The following C8A variants were observed in gnomAD, a reference collection of about 807,000 sequenced individuals.
C8A encodes complement C8 alpha chain.
C8A carries 67 observed loss-of-function variants against 65.3 expected under a neutral mutation model. The observed-to-expected ratio is 1.03, with a 90% confidence interval of 0.84 to 1.26. The LOEUF (loss-of-function observed/expected upper bound fraction) is 1.26. Among genes scored for constraint, C8A ranks in the 50% most tolerant of loss-of-function variants. The pLI, the probability that C8A is intolerant of heterozygous loss-of-function variation, is 0.00. For synonymous variants in C8A, 290 were observed against 259.4 expected (o/e 1.12, Z -1.13); for missense variants, 781 against 723.9 (o/e 1.08, Z -0.90).
chr1:56,879,757 C>T (rs1359846222), intron 4 of C8A, among the ~76,000 whole-genome samples: 6 of 152,086 alleles, frequency 3.9e-5, no homozygotes, highest in Admixed American at 3.9e-4. Context: ...ATCACTTCCA[C>T]TAATATGAAG....
At chr1:56,880,996 A>G (rs1298944378) in intron 4 of C8A, among the ~76,000 whole-genome samples, 1 of 152,118 alleles carries the variant, frequency 6.6e-6, no homozygotes, top group Non-Finnish European at 1.5e-5. Flanking sequence ...TTATTCAACA[A>G]ATATTTAGGG....
At chr1:56,891,098 CA>C (rs995720822) in intron 7 of C8A, among the ~76,000 whole-genome samples, 1 of 152,032 alleles carries the variant, frequency 6.6e-6, no homozygotes, top group Non-Finnish European at 1.5e-5. Context: ...AGAGTAACTT[CA>C]GGGGGTGAGG....
chr1:56,906,099 C>A (rs138985648), intron 7 of C8A, among the ~76,000 whole-genome samples: 1 of 151,920 alleles, frequency 6.6e-6, no homozygotes, highest in Non-Finnish European at 1.5e-5. Flanking sequence ...CTCTCTGGGG[C>A]GCAAAGAGGA....
chr1:56,908,009 G>T lies in C8A; in HGVS notation c.1276G>T (p.Gly426Cys), dbSNP rs1435217238. 6.2e-7 allele frequency: 1 copy of T among 1,614,152 alleles called. No homozygotes were observed. Among genetic ancestry groups the T allele is most frequent in the Admixed American group, 1.7e-5 (1 of 60,026 alleles). Residue 426 changes from glycine to cysteine, a missense_variant, in exon 9 of 11, where the codon GGC (glycine) becomes TGC (cysteine). Transcript: ENST00000361249. ...VEDIISRVRG[G>C]SSGWSGGLAQ... is the part of the protein sequence containing the mutation. The stretch of plus-strand genomic sequence containing the variant: ...AGACATTATTTCTCGGGTGCGAGGT[G>T]GCAGTTCTGGCTGGAGCGGTGGCTT...
intron 7 of C8A, among the ~76,000 whole-genome samples, chr1:56,897,640 C>T (rs1644396278): frequency 6.6e-6 from 1 of 152,142 alleles, no homozygotes; most frequent in Non-Finnish European, 1.5e-5. Flanking sequence ...GACATTTAAT[C>T]AAAGTCCCTT....
In C8A at chr1:56,854,802, G is replaced by T; in HGVS notation, c.-100G>T. On this transcript the variant is annotated 5_prime_UTR_variant, in exon 1 of 11. Coordinates refer to ENST00000361249, the MANE Select transcript of C8A (RefSeq NM_000562.3). Reference sequence around the variant, plus strand: ...CTGGGTGAGTTTCCAACATCAGATAGATCTTACAGGTCCCAGCCTGTAGAC... The same window carrying T: ...CTGGGTGAGTTTCCAACATCAGATATATCTTACAGGTCCCAGCCTGTAGAC... 1.1e-6 allele frequency: 1 copy of T among 945,342 alleles called. No individual in the cohort carries two copies. The allele number at this position is 945,342 out of a possible 1,614,324, so 58.6% of individuals were successfully genotyped here.
chr1:56,898,307 G>A (rs956971089), intron 7 of C8A, among the ~76,000 whole-genome samples: 12 of 152,100 alleles, frequency 7.9e-5, no homozygotes, highest in African/African-American at 2.4e-4. Context: ...GCAAGCTGCA[G>A]GAATCATGCA....
At chr1:56,875,320 C>A (rs1461096087) in intron 3 of C8A, among the ~76,000 whole-genome samples, 3 of 152,154 alleles carry the variant, frequency 2.0e-5, no homozygotes, top group African/African-American at 7.2e-5. Context: ...TAGAAAAAGA[C>A]AATTCATTCA....
chr1:56,869,224 G>A (rs1235028976), intron 2 of C8A, among the ~76,000 whole-genome samples: 2 of 151,940 alleles, frequency 1.3e-5, no homozygotes, highest in Non-Finnish European at 2.9e-5. Flanking sequence ...CTATGCTTTT[G>A]CATCCTCATA....
chr1:56,899,957 T>A (rs1401313836), intron 7 of C8A, among the ~76,000 whole-genome samples: 2 of 152,176 alleles, frequency 1.3e-5, no homozygotes, highest in Non-Finnish European at 2.9e-5. Context: ...CCAGCTCAGG[T>A]AGTCTCTGTT....
intron 2 of C8A, among the ~76,000 whole-genome samples, chr1:56,874,560 G>T (rs557585486): frequency 6.6e-6 from 1 of 152,330 alleles, no homozygotes; most frequent in Admixed American, 6.5e-5. Context: ...GAACTACGTG[G>T]ATGCTCAATT....
At chr1:56,858,204 T>C (rs1407849096) in intron 1 of C8A, among the ~76,000 whole-genome samples, 1 of 152,164 alleles carries the variant, frequency 6.6e-6, no homozygotes, top group African/African-American at 2.4e-5. Context: ...TTCTGTTTCG[T>C]TGGTCTTTAG....
At chr1:56,861,965 G>A (rs1557695870) in intron 1 of C8A, among the ~76,000 whole-genome samples, 1 of 152,114 alleles carries the variant, frequency 6.6e-6, no homozygotes, top group Non-Finnish European at 1.5e-5. Context: ...TGTTTGACTT[G>A]CGCATTGCTT....
Position 56,885,562 on chromosome 1 carries a change from TTTG to T in C8A, c.856-362_856-360del, listed in dbSNP as rs1239905808. On this transcript the variant is annotated intron_variant, in intron 6 of 10. Transcript: ENST00000361249. ...TTGCATCCTTTCTTTTTTGTTTTTT[TTTG>T]TTTGTTTTTTTTTTTGAGGCGGAGT... Among the ~76,000 whole-genome samples the T allele has an allele frequency of 7.9e-4, 117 of 147,632 alleles. 3 individuals carry two copies. The highest frequency in any genetic ancestry group is 2.2e-4 in the Non-Finnish European group (15 of 67,162).
chr1:56,876,245 A>G (rs769891344), intron 4 of C8A, 36 bp downstream of exon 4: 1 of 1,612,856 alleles, frequency 6.2e-7, no homozygotes, highest in Non-Finnish European at 8.5e-7. Flanking sequence ...AGGAGCAGGG[A>G]ATGATTTGTC....
chr1:56,857,329 C>T (rs1344468986), intron 1 of C8A, among the ~76,000 whole-genome samples: 1 of 151,604 alleles, frequency 6.6e-6, no homozygotes, highest in African/African-American at 2.4e-5. Context: ...CACACACACA[C>T]ATCTAGAGTT....
chr1:56,869,388 T>C (rs900428417), intron 2 of C8A, among the ~76,000 whole-genome samples: 2 of 152,244 alleles, frequency 1.3e-5, no homozygotes, highest in African/African-American at 2.4e-5. Flanking sequence ...CCATGGTGTA[T>C]ATGTACCACA....
At chr1:56,890,150 C>G (rs1644333235) in intron 7 of C8A, among the ~76,000 whole-genome samples, 1 of 152,154 alleles carries the variant, frequency 6.6e-6, no homozygotes, top group South Asian at 2.1e-4. Flanking sequence ...TGCCATTGTT[C>G]TGTTCAGCTG....
At chr1:56,894,794 C>G (rs1416758121) in intron 7 of C8A, among the ~76,000 whole-genome samples, 1 of 152,070 alleles carries the variant, frequency 6.6e-6, no homozygotes, top group African/African-American at 2.4e-5. Flanking sequence ...TACATTGTCC[C>G]TCTCATCAGG....
Sources: gnomAD v4.1 joint callset for allele counts (sites outside exome capture counted in the v4.1 genomes callset) on GRCh38, gnomAD v4.1.1 for gene constraint, MANE v1.5 for transcripts, NCBI Gene and HGNC (gene_info 2026-07-23, HGNC 2026-07-21) for gene names.